SPMAP2L: variants seen among roughly 807,000 people sequenced by gnomAD.
SPMAP2L encodes the protein sperm microtubule associated protein 2 like, also known as sperm microtubule associated protein 2-like.
chr4:56,558,353 C>T, the SPMAP2L span, among the ~76,000 whole-genome samples: 1 of 152,140 alleles, frequency 6.6e-6, no homozygotes, highest in African/African-American at 2.4e-5. Flanking sequence ...AGCCAAATAT[C>T]CTGCTTTGTA....
the SPMAP2L span, chr4:56,575,460 AT>A: frequency 6.5e-7 from 1 of 1,529,206 alleles, no homozygotes; most frequent in Admixed American, 2.0e-5. Flanking sequence ...ACAATTTGAA[AT>A]CATGCTTGTT....
chr4:56,534,957 C>A, the SPMAP2L span, among the ~76,000 whole-genome samples: 7,023 of 151,864 alleles, frequency 0.046, 267 homozygotes, highest in East Asian at 0.19. Context: ...ACAACAACAA[C>A]AAAAAAACCA....
the SPMAP2L span, among the ~76,000 whole-genome samples, chr4:56,615,348 G>A: frequency 4.6e-5 from 7 of 152,214 alleles, no homozygotes; most frequent in Admixed American, 2.0e-4. Context: ...CAAAGTACCT[G>A]CGATCAGTCA....
At chr4:56,540,252 C>T in the SPMAP2L span, among the ~76,000 whole-genome samples, 1 of 152,100 alleles carries the variant, frequency 6.6e-6, no homozygotes, top group Non-Finnish European at 1.5e-5. Context: ...CATTCAAAGC[C>T]ATATCATGGG....
chr4:56,540,723 G>A, the SPMAP2L span, among the ~76,000 whole-genome samples: 2 of 152,190 alleles, frequency 1.3e-5, no homozygotes, highest in Non-Finnish European at 1.5e-5. Context: ...AACTACTGAC[G>A]AGATAGGTCA....
At chr4:56,598,647 C>T in the SPMAP2L span, among the ~76,000 whole-genome samples, 4 of 151,356 alleles carry the variant, frequency 2.6e-5, no homozygotes, top group Admixed American at 2.6e-4. Flanking sequence ...AGGGAAGGAC[C>T]TGGTCCAGGG....
chr4:56,594,211 G>T, the SPMAP2L span: 3 of 1,611,056 alleles, frequency 1.9e-6, no homozygotes, highest in South Asian at 1.1e-5. Context: ...GGACCAGCCC[G>T]TTCCTCACCC....
At chr4:56,539,569 G>A in the SPMAP2L span, among the ~76,000 whole-genome samples, 2 of 151,954 alleles carry the variant, frequency 1.3e-5, no homozygotes, top group South Asian at 2.1e-4. Flanking sequence ...TTACAGGCCT[G>A]CACCACCACA....
At chr4:56,612,028 C>T in the SPMAP2L span, among the ~76,000 whole-genome samples, 1 of 152,284 alleles carries the variant, frequency 6.6e-6, no homozygotes. Context: ...TGCGTGCTCC[C>T]ATTTGGGTGG....
At chr4:56,568,493 A>G in the SPMAP2L span, among the ~76,000 whole-genome samples, 3 of 152,154 alleles carry the variant, frequency 2.0e-5, no homozygotes, top group Non-Finnish European at 2.9e-5. Context: ...AAATAGCTTT[A>G]TTGTGATTAA....
At chr4:56,613,236 A>T in the SPMAP2L span, among the ~76,000 whole-genome samples, 1 of 152,020 alleles carries the variant, frequency 6.6e-6, no homozygotes, top group East Asian at 1.9e-4. Context: ...TTTGTTTTCC[A>T]TCTGGGAGGG....
At chr4:56,607,901 T>C in the SPMAP2L span, among the ~76,000 whole-genome samples, 1 of 148,894 alleles carries the variant, frequency 6.7e-6, no homozygotes, top group Non-Finnish European at 1.5e-5. Context: ...GAGGCTAAGG[T>C]AGAATTACTT....
chr4:56,610,385 G>T, the SPMAP2L span, among the ~76,000 whole-genome samples: 1 of 152,166 alleles, frequency 6.6e-6, no homozygotes, highest in African/African-American at 2.4e-5. Flanking sequence ...GGGATAATTG[G>T]CAAGCCACAT....
the SPMAP2L span, among the ~76,000 whole-genome samples, chr4:56,625,655 C>T: frequency 6.6e-6 from 1 of 152,274 alleles, no homozygotes; most frequent in Non-Finnish European, 1.5e-5. Flanking sequence ...CCTCATCTTC[C>T]TCTTGCTGCT....
chr4:56,557,970 C>CT, the SPMAP2L span: 18 of 149,006 alleles, frequency 1.2e-4, no homozygotes, highest in South Asian at 2.1e-4. Context: ...CCAAATTTTT[C>CT]TTTTTTTTTT....
chr4:56,593,835 C>T, the SPMAP2L span: 1 of 1,610,414 alleles, frequency 6.2e-7, no homozygotes, highest in Non-Finnish European at 8.5e-7. Context: ...AATATGGCAG[C>T]CATGTTTGCA....
chr4:56,569,492 G>T, the SPMAP2L span, among the ~76,000 whole-genome samples: 1 of 151,976 alleles, frequency 6.6e-6, no homozygotes, highest in Non-Finnish European at 1.5e-5. Flanking sequence ...TTTGAGGCTT[G>T]CTTTTAAGTT....
the SPMAP2L span, among the ~76,000 whole-genome samples, chr4:56,565,106 G>A: frequency 4.8e-3 from 734 of 152,134 alleles, 11 homozygotes; most frequent in Non-Finnish European, 3.8e-3. Flanking sequence ...ATAAATGTTC[G>A]GTGTGCACTT....
the SPMAP2L span, among the ~76,000 whole-genome samples, chr4:56,582,125 T>C: frequency 6.6e-6 from 1 of 152,164 alleles, no homozygotes; most frequent in Non-Finnish European, 1.5e-5. Flanking sequence ...TTCTTAGATA[T>C]GACCTTTGGT....
Sources: allele counts gnomAD v4.1 joint callset (sites outside exome capture counted in the v4.1 genomes callset), GRCh38; gene constraint gnomAD v4.1.1; transcripts MANE v1.5; gene names NCBI Gene and HGNC (gene_info 2026-07-23, HGNC 2026-07-21).